GNL3L: variants seen among roughly 807,000 people sequenced by gnomAD.
GNL3L encodes guanine nucleotide-binding protein-like 3-like protein.
Under a neutral mutation model 42.9 loss-of-function variants are expected in GNL3L, and 4 were observed. That is an observed-to-expected ratio of 0.09 (90% CI 0.05 to 0.21). GNL3L has a LOEUF of 0.21. GNL3L is among the 10% of genes least tolerant of loss of function. The pLI is 1.00. For missense variants in GNL3L, 412 were observed against 481.7 expected (o/e 0.86, Z 1.36); for synonymous variants, 159 against 176.3 (o/e 0.90, Z 0.78).
Position 54,552,382 on chromosome X carries a change from C to A in GNL3L, c.1272C>A (p.Val424=). 1 of 1,209,604 alleles carries A rather than the reference C, an allele frequency of 8.3e-7. No individual in the cohort carries two copies. The highest frequency in any genetic ancestry group is 1.1e-6 in the Non-Finnish European group (1 of 893,695). The change falls in exon 13 of 16, where the codon GTC becomes GTA. Residue 424 remains valine (V), a synonymous_variant. Coordinates refer to ENST00000360845, the MANE Select transcript of GNL3L (RefSeq NM_001184819.2). The part of the protein sequence containing the change: ...SAEIVKEMTE[V]FDIEDTEQAN... The stretch of plus-strand genomic sequence containing the variant: ...AGATCGTTAAGGAAATGACCGAGGT[C>A]TTTGACATCGAGGATACTGAGCAGG...
chrX:54,533,420 C>T (rs1375249505), intron 2 of GNL3L, among the ~76,000 whole-genome samples: 1 of 108,336 alleles, frequency 9.2e-6, no homozygotes, highest in Non-Finnish European at 1.9e-5. Context: ...AAAATGATAA[C>T]ATTTGGATAG....
chrX:54,537,702 C>T (rs1924482595), intron 2 of GNL3L, among the ~76,000 whole-genome samples: 1 of 111,357 alleles, frequency 9.0e-6, no homozygotes, highest in Non-Finnish European at 1.9e-5. Context: ...GATCCTCTTG[C>T]CTCAGCCTCC....
At chrX:54,614,212 A>G (rs2147536194) in intron 16 of GNL3L, among the ~76,000 whole-genome samples, 1 of 110,899 alleles carries the variant, frequency 9.0e-6, no homozygotes, top group African/African-American at 3.3e-5. Context: ...AGGGAAGGCC[A>G]GCAGTCGCAG....
At chrX:54,585,403 G>A (rs938200055) in intron 16 of GNL3L, among the ~76,000 whole-genome samples, 2 of 110,292 alleles carry the variant, frequency 1.8e-5, no homozygotes, top group African/African-American at 6.6e-5. Flanking sequence ...TTCTTTGTTG[G>A]GATATTTTTT....
At chrX:54,575,964 A>G (rs767086875) in intron 16 of GNL3L, among the ~76,000 whole-genome samples, 2 of 112,099 alleles carry the variant, frequency 1.8e-5, no homozygotes, top group African/African-American at 6.5e-5. Flanking sequence ...TCTGTCTTGG[A>G]GAATGTTCCA....
the GNL3L span, among the ~76,000 whole-genome samples, chrX:54,639,496 TCTTG>T: frequency 6.8e-4 from 76 of 111,669 alleles, 1 homozygote; most frequent in South Asian, 0.028. Context: ...CGATTCTCAC[TCTTG>T]GAGCGGGGAG....
downstream of GNL3L, among the ~76,000 whole-genome samples, chrX:54,624,221 G>A (rs1231809341): frequency 1.8e-5 from 2 of 111,127 alleles, no homozygotes; most frequent in Non-Finnish European, 3.8e-5. Context: ...GCAGGCATAA[G>A]CCACTGCATC....
chrX:54,560,482 C>T, intron 15 of GNL3L, 38 bp from the exon 16 acceptor site: 4 of 867,782 alleles, frequency 4.6e-6, no homozygotes, highest in Middle Eastern at 2.8e-4. Context: ...GGTGGCAAGC[C>T]AGCCACCAAA....
intron 16 of GNL3L, among the ~76,000 whole-genome samples, chrX:54,607,082 CTTCTTTCTTTCTTTCTTTCTTTCTT>C (rs1926098946): frequency 6.4e-4 from 14 of 21,993 alleles, no homozygotes; most frequent in East Asian, 3.1e-3. Context: ...CTCTTTCTTT[CTTCTTTCTTTCTTTCTTTCTTTCTT>C]TCTTTCTTTC....
chrX:54,644,602 A>G, the GNL3L span, among the ~76,000 whole-genome samples: 1 of 111,853 alleles, frequency 8.9e-6, no homozygotes, highest in Non-Finnish European at 1.9e-5. Context: ...TTTCTGCACT[A>G]TTTTATTCTA....
At position 54,566,756 on chromosome X, in the gene GNL3L, G is replaced by A. The variant is rs767151468; in HGVS notation, c.*6154G>A. ...CCTTTTGGCTATTGTGAAAAATGCTGTTATGAATATGGGTATGGAGATCTC... is the reference window on the plus strand; with the variant it reads ...CCTTTTGGCTATTGTGAAAAATGCTATTATGAATATGGGTATGGAGATCTC... On this transcript the variant is annotated 3_prime_UTR_variant, in exon 16 of 16. Transcript: ENST00000360845. 8.9e-6 allele frequency among the ~76,000 whole-genome samples: 1 copy of A among 111,755 alleles called. No individual in the cohort carries two copies. Among genetic ancestry groups the A allele is most frequent in the Non-Finnish European group, 1.9e-5 (1 of 53,175 alleles).
chrX:54,629,476 A>T, the GNL3L span, among the ~76,000 whole-genome samples: 5 of 111,518 alleles, frequency 4.5e-5, 1 homozygote, highest in South Asian at 1.9e-3. Context: ...TAATAAAGGG[A>T]TGCTGGATTT....
chrX:54,585,534 G>T (rs963173320), intron 16 of GNL3L, among the ~76,000 whole-genome samples: 3 of 111,490 alleles, frequency 2.7e-5, no homozygotes, highest in African/African-American at 9.8e-5. Context: ...TTTCCAATTT[G>T]TTGGCATGTA....
chrX:54,614,014 T>C (rs1360366789), intron 16 of GNL3L, among the ~76,000 whole-genome samples: 1 of 110,683 alleles, frequency 9.0e-6, no homozygotes, highest in Non-Finnish European at 1.9e-5. Flanking sequence ...TGTCTTCCAC[T>C]ACCAGGGTGG....
In GNL3L at chrX:54,540,217, G is replaced by T. The variant is rs760007760; in HGVS notation, c.164G>T (p.Arg55Leu). The change falls in exon 4 of 16, where the codon CGA becomes CTA. Residue 55 changes from arginine (R) to leucine (L), a missense_variant. Coordinates refer to ENST00000360845, the MANE Select transcript of GNL3L (RefSeq NM_001184819.2). ...GTTCACCCCAATGATCATGCCAATC[G>T]AGAGGCTGAATTAAAGAAGAAGTGG... ...HFVHPNDHAN[R>L]EAELKKKWVE... 1.7e-6 allele frequency: 2 copies of T among 1,197,004 alleles called. No individual in the cohort carries two copies. The highest frequency in any genetic ancestry group is 3.5e-5 in the South Asian group (2 of 56,413).
At chrX:54,590,870 G>A (rs749630788) in intron 16 of GNL3L, among the ~76,000 whole-genome samples, 6 of 108,872 alleles carry the variant, frequency 5.5e-5, no homozygotes, top group Non-Finnish European at 1.1e-4. Context: ...TTGCTCTGTC[G>A]CCCAGGCTGG....
chrX:54,552,297 A>G lies in GNL3L; in HGVS notation c.1187A>G (p.Lys396Arg), dbSNP rs1258430063. Residue 396 changes from lysine (K) to arginine (R), a missense_variant, in exon 13 of 16, where the codon AAG becomes AGG. Coordinates refer to ENST00000360845, the MANE Select transcript of GNL3L (RefSeq NM_001184819.2). ...KAVLADWVSG[K>R]ISFYIPPPAT... is the part of the protein sequence containing the mutation. ...TCCCCTATCTCCCAATGCAGCGGGA[A>G]GATCAGCTTCTATATACCACCACCA... 2.5e-6 allele frequency: 3 copies of G among 1,206,569 alleles called. No individual in the cohort carries two copies. In the African/African-American group the frequency reaches 5.3e-5, roughly 21 times the overall value.
chrX:54,537,951 T>G (rs1487049140), intron 2 of GNL3L, among the ~76,000 whole-genome samples: 2 of 111,672 alleles, frequency 1.8e-5, no homozygotes, highest in Admixed American at 1.9e-4. Flanking sequence ...AATCTTTTTT[T>G]CTCACACAGT....
chrX:54,551,539 C>G (rs752951916), intron 10 of GNL3L, 29 bp from the exon 11 acceptor site: 1 of 1,188,997 alleles, frequency 8.4e-7, no homozygotes, highest in Non-Finnish European at 1.1e-6. Context: ...ATGCCAGGTA[C>G]ATCTGGGCTT....
Sources: allele counts gnomAD v4.1 joint callset (sites outside exome capture counted in the v4.1 genomes callset), GRCh38; gene constraint gnomAD v4.1.1; transcripts MANE v1.5; gene names NCBI Gene and HGNC (gene_info 2026-07-23, HGNC 2026-07-21).